Variants in LRP1B observed in about 807,000 individuals in gnomAD.
LRP1B encodes the protein LDL receptor related protein 1B, also known as low-density lipoprotein receptor-related protein 1B.
In LRP1B, 217 loss-of-function variants were observed where a neutral mutation model predicts 556.6. That is an observed-to-expected ratio of 0.39 (90% CI 0.35 to 0.44). The LOEUF (loss-of-function observed/expected upper bound fraction) is 0.44, where lower values mean the gene tolerates loss of function less well. Among genes scored for constraint, LRP1B ranks in the 20% least tolerant of loss-of-function variants. The pLI, the probability that LRP1B is intolerant of heterozygous loss-of-function variation, is 1.00. For missense variants in LRP1B, 5,053 were observed against 5,620.8 expected (o/e 0.90, Z 3.23); for synonymous variants, 2,047 against 1,865.8 (o/e 1.10, Z -2.50).
chr2:140,308,835 C>T (rs548428768), intron 83 of LRP1B, among the ~76,000 whole-genome samples: 3 of 150,886 alleles, frequency 2.0e-5, no homozygotes, highest in African/African-American at 7.4e-5. Context: ...AATACTTACT[C>T]AAAACATTTC....
chr2:140,790,513 C>CATTGAG lies in LRP1B; in HGVS notation c.5360-14276_5360-14275insCTCAAT, dbSNP rs1559120963. Among the ~76,000 whole-genome samples the CATTGAG allele has an allele frequency of 6.1e-3, 932 of 152,258 alleles. 12 individuals carry two copies. The highest frequency in any genetic ancestry group is 0.021 in the African/African-American group (878 of 41,542). ...AACTTCCTCACTTTTTCCTCAAGTA[C>CATTGAG]CAATAGCACTTTGAGCTGCTGACAT... On this transcript the variant is annotated intron_variant, in intron 32 of 90. Transcript: ENST00000389484.
intron 60 of LRP1B, among the ~76,000 whole-genome samples, chr2:140,470,644 C>CAAAAAAAA (rs35981828): frequency 3.4e-5 from 2 of 58,544 alleles, no homozygotes; most frequent in African/African-American, 8.4e-5. Flanking sequence ...GACTCTGTCT[C>CAAAAAAAA]AAAAAAAAAA....
At chr2:142,076,344 A>G (rs1401979372) in intron 1 of LRP1B, among the ~76,000 whole-genome samples, 4 of 152,102 alleles carry the variant, frequency 2.6e-5, no homozygotes. Context: ...AGCATCCTCA[A>G]AAGGAACATT....
At chr2:140,408,740 C>T (rs867901523) in intron 66 of LRP1B, among the ~76,000 whole-genome samples, 1 of 151,874 alleles carries the variant, frequency 6.6e-6, no homozygotes, top group Admixed American at 6.6e-5. Context: ...ACCCTAAACC[C>T]TAAAGCTGCA....
At chr2:142,055,620 G>A (rs1704640377) in intron 1 of LRP1B, among the ~76,000 whole-genome samples, 1 of 152,038 alleles carries the variant, frequency 6.6e-6, no homozygotes, top group Non-Finnish European at 1.5e-5. Flanking sequence ...AACTTCCCAT[G>A]TTTGTACCAT....
rs76269647 is a variant in LRP1B, at chr2:140,605,917, G to A, written c.6800-4278C>T. Among the ~76,000 whole-genome samples the A allele has an allele frequency of 1.5e-3, 229 of 152,090 alleles. 4 individuals carry two copies. In the East Asian group the frequency reaches 0.039, roughly 26 times the overall value. ...TATATTTAGTGGTGAGAAAATGAAT[G>A]TTTTCCCTCAAAGACCAGGACCAAA... On this transcript the variant is annotated intron_variant, in intron 41 of 90. Coordinates refer to ENST00000389484, the MANE Select transcript of LRP1B (RefSeq NM_018557.3).
At chr2:141,008,513 G>A (rs888540549) in intron 14 of LRP1B, among the ~76,000 whole-genome samples, 11 of 151,138 alleles carry the variant, frequency 7.3e-5, no homozygotes, top group African/African-American at 1.2e-4. Context: ...AAATTAGATC[G>A]AAAAAGACAT....
At chr2:142,008,117 G>T (rs531770727) in intron 1 of LRP1B, among the ~76,000 whole-genome samples, 233 of 152,234 alleles carry the variant, frequency 1.5e-3, no homozygotes, top group African/African-American at 5.2e-3. Context: ...CATAACTAGG[G>T]CTTTAATGCC....
At chr2:141,475,567 G>A (rs1314866759) in intron 3 of LRP1B, among the ~76,000 whole-genome samples, 1 of 152,056 alleles carries the variant, frequency 6.6e-6, no homozygotes, top group Non-Finnish European at 1.5e-5. Flanking sequence ...AATGGGAACA[G>A]GCATTCCTGT....
chr2:140,955,572 A>C (rs1695848626), intron 18 of LRP1B, among the ~76,000 whole-genome samples: 1 of 151,840 alleles, frequency 6.6e-6, no homozygotes, highest in Non-Finnish European at 1.5e-5. Flanking sequence ...TTATCTTGGT[A>C]GTTACTTAAA....
intron 2 of LRP1B, among the ~76,000 whole-genome samples, chr2:141,786,411 A>G (rs1695431685): frequency 6.6e-6 from 1 of 151,928 alleles, no homozygotes; most frequent in Non-Finnish European, 1.5e-5. Flanking sequence ...CCAATAGAGA[A>G]GGCTAGTATG....
chr2:141,098,923 C>T (rs1471980588), intron 7 of LRP1B, among the ~76,000 whole-genome samples: 4 of 152,166 alleles, frequency 2.6e-5, no homozygotes, highest in Non-Finnish European at 5.9e-5. Context: ...TCTCAAAGTG[C>T]TCGGATTACA....
intron 1 of LRP1B, among the ~76,000 whole-genome samples, chr2:142,067,930 T>C (rs1705167682): frequency 6.6e-6 from 1 of 151,540 alleles, no homozygotes; most frequent in Non-Finnish European, 1.5e-5. Context: ...TACACTTTGA[T>C]AGGTATTAGC....
At chr2:141,128,984 A>G (rs1453670750) in intron 7 of LRP1B, among the ~76,000 whole-genome samples, 2 of 152,200 alleles carry the variant, frequency 1.3e-5, no homozygotes, top group Non-Finnish European at 2.9e-5. Flanking sequence ...ATGAGATTAT[A>G]AAAAGATATT....
chr2:140,585,229 A>G (rs1681938847), intron 43 of LRP1B, among the ~76,000 whole-genome samples: 1 of 152,120 alleles, frequency 6.6e-6, no homozygotes, highest in South Asian at 2.1e-4. Flanking sequence ...TACAAGAATT[A>G]ACGTTTTAAC....
rs543431798 is a variant in LRP1B at position 140,384,527 on chromosome 2, A to C, written c.10531+1366T>G. Among the ~76,000 whole-genome samples the C allele has an allele frequency of 2.6e-5, 4 of 152,342 alleles. No homozygotes were observed. In the East Asian group the frequency reaches 7.7e-4, roughly 29 times the overall value. The stretch of plus-strand genomic sequence containing the variant: ...GACTGTGACCTGTTAGAAGATATGT[A>C]TGTAAAGAGGGAGTTATAAAAGTTT... On this transcript the variant is annotated intron_variant, in intron 67 of 90. Transcript: ENST00000389484.
intron 2 of LRP1B, among the ~76,000 whole-genome samples, chr2:141,694,056 C>G (rs1691642350): frequency 6.6e-6 from 1 of 152,032 alleles, no homozygotes; most frequent in African/African-American, 2.4e-5. Flanking sequence ...TTGAGTGTAG[C>G]ACAAGATCGC....
chr2:141,265,288 G>A (rs779045239), intron 3 of LRP1B, among the ~76,000 whole-genome samples: 9 of 152,196 alleles, frequency 5.9e-5, no homozygotes, highest in East Asian at 3.9e-4. Flanking sequence ...AGTTCAGGCC[G>A]CCCAGGAAGA....
chr2:140,586,970 G>C (rs190363983), intron 43 of LRP1B, among the ~76,000 whole-genome samples: 1 of 151,944 alleles, frequency 6.6e-6, no homozygotes, highest in Admixed American at 6.6e-5. Context: ...AAAAATAAAG[G>C]CTTTAGGAAA....
Sources: allele counts gnomAD v4.1 joint callset (sites outside exome capture counted in the v4.1 genomes callset), GRCh38; gene constraint gnomAD v4.1.1; transcripts MANE v1.5; gene names NCBI Gene and HGNC (gene_info 2026-07-23, HGNC 2026-07-21).